Variants in PCDHGB2 observed in about 807,000 individuals in gnomAD.
PCDHGB2 encodes the protein protocadherin gamma subfamily B, 2.
PCDHGB2 carries 55 observed loss-of-function variants against 59.3 expected under a neutral mutation model. The observed-to-expected ratio is 0.93, with a 90% CI of 0.75 to 1.16. The LOEUF is 1.16. Ranked by LOEUF, PCDHGB2 falls within the 50% of genes most tolerant of loss-of-function variation. The pLI is 0.00. For missense variants in PCDHGB2, 1,228 were observed against 1,198.5 expected (o/e 1.02, Z -0.36); for synonymous variants, 516 against 512.0 (o/e 1.01, Z -0.11).
chr5:141,375,526 G>A (rs377448744), intron 1 of PCDHGB2: 1 of 1,614,008 alleles, frequency 6.2e-7, no homozygotes, highest in Non-Finnish European at 8.5e-7. Flanking sequence ...ACCCTGACGT[G>A]GACCAGAACG....
chr5:141,414,210 T>G (rs1252033650), intron 1 of PCDHGB2: 1 of 1,612,706 alleles, frequency 6.2e-7, no homozygotes, highest in Admixed American at 1.7e-5. Context: ...AAGATGTAAA[T>G]GACAACAGTC....
At chr5:141,507,852 T>C (rs556569001) in intron 3 of PCDHGB2, among the ~76,000 whole-genome samples, 25 of 152,118 alleles carry the variant, frequency 1.6e-4, no homozygotes, top group Non-Finnish European at 2.6e-4. Context: ...CTGCTCTCAC[T>C]TTCACACCCG....
chr5:141,400,343 A>G, intron 1 of PCDHGB2: 1 of 1,614,026 alleles, frequency 6.2e-7, no homozygotes, highest in South Asian at 1.1e-5. Context: ...CCCCCCAACT[A>G]CAGTCAGGGG....
intron 1 of PCDHGB2, among the ~76,000 whole-genome samples, chr5:141,466,008 G>C (rs1298363274): frequency 6.6e-6 from 1 of 151,970 alleles, no homozygotes; most frequent in Non-Finnish European, 1.5e-5. Flanking sequence ...TGTAGTCCCA[G>C]CTACTCGGGA....
In PCDHGB2 at chr5:141,418,848, G is replaced by A. The variant is rs770294020; in HGVS notation, c.2421+56292G>A. 20 of 1,613,836 alleles carry A rather than the reference G, an allele frequency of 1.2e-5. No individual in the cohort carries two copies. Among genetic ancestry groups the A allele is most frequent in the South Asian group, 6.6e-5 (6 of 91,080 alleles). ...AAAGACCGAGGATCTCTCTCAACAC[G>A]GTGTAAAGTAATTGTAGAAGTTGTA... On this transcript the variant is annotated intron_variant, in intron 1 of 3. Coordinates refer to ENST00000522605, the MANE Select transcript of PCDHGB2 (RefSeq NM_018923.3).
At chr5:141,370,437 CG>C (rs1561546503) in intron 1 of PCDHGB2, 6 of 1,603,792 alleles carry the variant, frequency 3.7e-6, no homozygotes, top group Non-Finnish European at 5.1e-6. Context: ...AGGGCAGAGG[CG>C]AATGCTATTT....
intron 1 of PCDHGB2, chr5:141,478,721 C>A: frequency 6.5e-7 from 1 of 1,543,216 alleles, no homozygotes; most frequent in Non-Finnish European, 8.8e-7. Context: ...TGGTGGCCTG[C>A]CAGAGTGTGG....
rs777761385 is a variant in PCDHGB2 at position 141,489,558 on chromosome 5, G to T, written c.2422-5249G>T. 1.1e-5 allele frequency: 17 copies of T among 1,614,130 alleles called. No homozygotes were observed. In the South Asian group the frequency reaches 1.8e-4, roughly 17 times the overall value. On this transcript the variant is annotated intron_variant, in intron 1 of 3. Coordinates refer to ENST00000522605, the MANE Select transcript of PCDHGB2 (RefSeq NM_018923.3). The surrounding 1 kb of genome is among the most constrained non-coding windows in gnomAD (Gnocchi z 4.5). Reference sequence around the variant, plus strand: ...CCAGCACCAGCTGCCTGCTGCCAGTGCAGGTGGTGACTGAACACCCCCTGG... The same window carrying T: ...CCAGCACCAGCTGCCTGCTGCCAGTTCAGGTGGTGACTGAACACCCCCTGG...
chr5:141,423,067 G>A (rs757110751), intron 1 of PCDHGB2: 10 of 1,614,024 alleles, frequency 6.2e-6, no homozygotes, highest in South Asian at 5.5e-5. Context: ...TAAGGCCAGC[G>A]AGCCGGGACT....
At chr5:141,468,774 G>A (rs1229480462) in intron 1 of PCDHGB2, among the ~76,000 whole-genome samples, 4 of 152,028 alleles carry the variant, frequency 2.6e-5, no homozygotes, top group Non-Finnish European at 4.4e-5. Flanking sequence ...GCTGAGGCAG[G>A]AGAATGGCGT....
At chr5:141,492,952 C>T (rs1428667098) in intron 1 of PCDHGB2, among the ~76,000 whole-genome samples, 1 of 152,242 alleles carries the variant, frequency 6.6e-6, no homozygotes, top group Non-Finnish European at 1.5e-5. Context: ...GGTGACCAAA[C>T]TATCTGACAC....
chr5:141,419,192 G>A (rs772847766), intron 1 of PCDHGB2: 65 of 1,613,816 alleles, frequency 4.0e-5, no homozygotes, highest in Middle Eastern at 1.6e-4. Context: ...CATTACTGAC[G>A]TCAATGACAA....
At chr5:141,508,193 C>T (rs1426786164) in intron 3 of PCDHGB2, 1 of 152,326 alleles carries the variant, frequency 6.6e-6, no homozygotes, top group Non-Finnish European at 1.5e-5. Flanking sequence ...ATCACCCCCA[C>T]CTCGTCCAGG....
At chr5:141,374,051 C>T in intron 1 of PCDHGB2, 1 of 1,476,382 alleles carries the variant, frequency 6.8e-7, no homozygotes, top group Non-Finnish European at 9.0e-7. Context: ...TCTTCCTCTT[C>T]TTAATCCCAG....
chr5:141,423,539 T>C (rs747825176), intron 1 of PCDHGB2: 10 of 1,613,140 alleles, frequency 6.2e-6, no homozygotes, highest in Non-Finnish European at 8.5e-6. Flanking sequence ...CACCTGATTT[T>C]CCCCCAGCCC....
intron 1 of PCDHGB2, chr5:141,388,040 G>A (rs1561617548): frequency 7.1e-7 from 1 of 1,412,748 alleles, no homozygotes; most frequent in Non-Finnish European, 9.6e-7. Flanking sequence ...ACCTCGCCAC[G>A]GACCTGGGGT....
chr5:141,370,226 A>T, intron 1 of PCDHGB2: 1 of 580,190 alleles, frequency 1.7e-6, no homozygotes, highest in East Asian at 2.9e-5. Flanking sequence ...CGCTGCAGCC[A>T]GCTCGGAAGA....
intron 1 of PCDHGB2, chr5:141,417,819 C>T: frequency 3.3e-6 from 5 of 1,513,202 alleles, no homozygotes; most frequent in Non-Finnish European, 3.5e-6. Flanking sequence ...GCACTTTCTC[C>T]AACTGGAAAA....
intron 1 of PCDHGB2, among the ~76,000 whole-genome samples, chr5:141,425,918 C>T (rs901485843): frequency 1.1e-4 from 16 of 152,200 alleles, no homozygotes; most frequent in Admixed American, 2.0e-4. Flanking sequence ...ACAGTCACTA[C>T]GAAAACTCAT....
Sources: allele counts gnomAD v4.1 joint callset (sites outside exome capture counted in the v4.1 genomes callset), GRCh38; gene constraint gnomAD v4.1.1; non-coding constraint Gnocchi (gnomAD v3.1); transcripts MANE v1.5; gene names NCBI Gene and HGNC (gene_info 2026-07-23, HGNC 2026-07-21).